ALMS1: variants seen among roughly 807,000 people sequenced by gnomAD.
ALMS1 encodes the protein centrosome-associated protein ALMS1.
ALMS1 carries 271 observed loss-of-function variants against 352.2 expected under a neutral mutation model. The ratio of observed to expected loss-of-function variants is 0.77; its 90% CI spans 0.70 to 0.85. The LOEUF (loss-of-function observed/expected upper bound fraction) is 0.85, where lower values mean the gene tolerates loss of function less well. Among genes scored for constraint, ALMS1 ranks in the 40% least tolerant of loss-of-function variants. The pLI is 0.00. For synonymous variants in ALMS1, 1,865 were observed against 1,761.2 expected (o/e 1.06, Z -1.48); for missense variants, 5,445 against 4,870.7 (o/e 1.12, Z -3.51).
Position 73,419,335 on chromosome 2 carries a change from T to G in ALMS1, c.646+17T>G. 1 of 1,608,700 alleles carries G rather than the reference T, an allele frequency of 6.2e-7. No homozygotes were observed. Among genetic ancestry groups the G allele is most frequent in the Non-Finnish European group, 8.5e-7 (1 of 1,175,056 alleles). The stretch of plus-strand genomic sequence containing the variant: ...CACTGCTAGGTAATGCCTGTTTATT[T>G]TAACTAGTAGTAATACCTCACATTT... On this transcript the variant is annotated intron_variant, in intron 3 of 22. Coordinates refer to ENST00000613296, the MANE Select transcript of ALMS1 (RefSeq NM_001378454.1).
At position 73,422,926 on chromosome 2, in the gene ALMS1, C is replaced by T. The variant is rs370830919; in HGVS notation, c.716C>T (p.Ala239Val). ...TGTTTGACACAAGACCAAGAATTTG[C>T]GCCTGATTCTTTATTTCATCAAAGT... is the stretch of plus-strand genomic sequence containing the variant. ...LTCLTQDQEF[A>V]PDSLFHQSEL... The change falls in exon 4 of 23, where the codon GCG (alanine) becomes GTG (valine). Residue 239 changes from alanine (A) to valine (V), a missense_variant. Transcript: ENST00000613296. 3.4e-5 allele frequency: 55 copies of T among 1,613,494 alleles called. No individual in the cohort carries two copies. Among genetic ancestry groups the T allele is most frequent in the African/African-American group, 5.3e-5 (4 of 74,874 alleles).
At chr2:73,495,964 TATC>T (rs1207046139) in intron 10 of ALMS1, among the ~76,000 whole-genome samples, 1 of 152,212 alleles carries the variant, frequency 6.6e-6, no homozygotes, top group South Asian at 2.1e-4. Flanking sequence ...GTTTCGAAGT[TATC>T]ATTAAAATAT....
chr2:73,444,283 G>A (rs1239096969), intron 7 of ALMS1, among the ~76,000 whole-genome samples: 1 of 152,062 alleles, frequency 6.6e-6, no homozygotes, highest in Non-Finnish European at 1.5e-5. Context: ...TTTGAGTAGG[G>A]GTGCACCTAT....
At chr2:73,603,160 G>A in intron 20 of ALMS1, 81 bp from the exon 21 acceptor site, 5 of 1,367,746 alleles carry the variant, frequency 3.7e-6, no homozygotes, top group South Asian at 3.5e-5. Context: ...CCAAGTCCTA[G>A]CAGCTCCCTC....
intron 1 of ALMS1, among the ~76,000 whole-genome samples, chr2:73,391,932 C>G (rs996333631): frequency 3.3e-5 from 5 of 152,012 alleles, no homozygotes; most frequent in African/African-American, 9.7e-5. Flanking sequence ...ATATGTTCTC[C>G]TTTCTTGGGT....
At chr2:73,575,591 T>A (rs1055072627) in intron 16 of ALMS1, among the ~76,000 whole-genome samples, 2 of 152,252 alleles carry the variant, frequency 1.3e-5, no homozygotes, top group Non-Finnish European at 2.9e-5. Flanking sequence ...CACATCTTTT[T>A]ATGTGCTTAT....
intron 9 of ALMS1, chr2:73,456,846 T>C (rs181271168): frequency 6.6e-6 from 1 of 152,344 alleles, no homozygotes; most frequent in Admixed American, 6.5e-5. Context: ...TAAAATTACA[T>C]AGTTTTCTCA....
chr2:73,505,914 T>C (rs1264002947), intron 10 of ALMS1, among the ~76,000 whole-genome samples: 1 of 152,240 alleles, frequency 6.6e-6, no homozygotes, highest in African/African-American at 2.4e-5. Context: ...GTAGGGTTTT[T>C]ATGGTTTTAG....
At chr2:73,589,302 T>G (rs951796182) in intron 16 of ALMS1, among the ~76,000 whole-genome samples, 6 of 152,160 alleles carry the variant, frequency 3.9e-5, no homozygotes, top group African/African-American at 1.4e-4. Flanking sequence ...ATTTTGAGCT[T>G]CCCAAACTAG....
At chr2:73,603,693 C>G (rs1178106278) in intron 21 of ALMS1, 10 of 267,466 alleles carry the variant, frequency 3.7e-5, no homozygotes, top group East Asian at 3.0e-4. Flanking sequence ...AACTCCATCT[C>G]TACTCAAAAT....
intron 12 of ALMS1, among the ~76,000 whole-genome samples, chr2:73,542,048 T>G (rs988803345): frequency 3.3e-5 from 5 of 152,170 alleles, no homozygotes; most frequent in Admixed American, 1.3e-4. Context: ...TACCAAAGCC[T>G]GGCAGAGACA....
At chr2:73,424,408 A>G in intron 4 of ALMS1, 22 bp from the exon 5 acceptor site, 1 of 1,412,954 alleles carries the variant, frequency 7.1e-7, no homozygotes, top group Non-Finnish European at 9.6e-7. Flanking sequence ...TTATTTATTT[A>G]TTTTTAACTA....
rs1343407616 is a variant in ALMS1 at position 73,449,004 on chromosome 2, T to G, written c.2477T>G (p.Leu826Arg). 1.2e-6 allele frequency: 2 copies of G among 1,613,424 alleles called. No homozygotes were observed. Among genetic ancestry groups the G allele is most frequent in the Non-Finnish European group, 1.7e-6 (2 of 1,179,854 alleles). Reference sequence around the variant, plus strand: ...CTTGTTTTCTACCAACAGGCCTTGCTGGACAGCCATCTACCCGAAGAGGCT... The same window carrying G: ...CTTGTTTTCTACCAACAGGCCTTGCGGGACAGCCATCTACCCGAAGAGGCT... ...KLLVFYQQAL[L>R]DSHLPEEALK... Residue 826 changes from leucine (L) to arginine (R), a missense_variant, in exon 8 of 23, where the codon CTG (leucine) becomes CGG (arginine). Physicochemically the swap from Leu to Arg is moderately radical, Grantham distance 102. Transcript: ENST00000613296.
In ALMS1 at chr2:73,558,844, A is replaced by G. The variant is rs1573019274; in HGVS notation, c.10214-128A>G. 15 of 1,034,354 alleles carry G rather than the reference A, an allele frequency of 1.5e-5. No individual in the cohort carries two copies. The East Asian group carries it at 3.4e-4, about 23-fold the overall frequency. The allele number at this position is 1,034,354 out of a possible 1,614,324, so 64.1% of individuals were successfully genotyped here. ...CAATTTTCAATTATTTTCTAAACGC[A>G]TTTCTGAGTCATCTTTTTTCTTCAA... On this transcript the variant is annotated intron_variant, in intron 14 of 22. Transcript: ENST00000613296.
intron 16 of ALMS1, 122 bp downstream of exon 16, chr2:73,573,546 C>A: frequency 1.0e-6 from 1 of 999,460 alleles, no homozygotes; most frequent in Non-Finnish European, 1.6e-6. Flanking sequence ...CCATTTCTTA[C>A]CAACTGGAAA....
Position 73,491,305 on chromosome 2 carries a change from T to A in ALMS1, c.9346T>A (p.Phe3116Ile). 3 of 1,614,204 alleles carry A rather than the reference T, an allele frequency of 1.9e-6. No individual in the cohort carries two copies. Among genetic ancestry groups the A allele is most frequent in the Non-Finnish European group, 2.5e-6 (3 of 1,180,034 alleles). Residue 3116 changes from phenylalanine (F) to isoleucine (I), a missense_variant, in exon 10 of 23, where the codon TTT becomes ATT. Phe to Ile is a conservative substitution (Grantham distance 21, BLOSUM62 0). Coordinates refer to ENST00000613296, the MANE Select transcript of ALMS1 (RefSeq NM_001378454.1). ...PVAQDQESLG[F>I]LGPKSSLDFQ... The stretch of plus-strand genomic sequence containing the variant: ...AGCACAGGATCAAGAATCTTTAGGT[T>A]TTCTAGGACCTAAATCTTCACTGGA...
intron 1 of ALMS1, among the ~76,000 whole-genome samples, chr2:73,391,567 A>G (rs1415929450): frequency 6.6e-6 from 1 of 152,174 alleles, no homozygotes; most frequent in Non-Finnish European, 1.5e-5. Context: ...TGCTGGGATT[A>G]CAGGCTTGAG....
chr2:73,553,381 G>C (rs1291883357), intron 13 of ALMS1, among the ~76,000 whole-genome samples: 1 of 152,212 alleles, frequency 6.6e-6, no homozygotes, highest in African/African-American at 2.4e-5. Flanking sequence ...TTCTCACTGT[G>C]GCGGTGGTAC....
rs1242023655 is a variant in ALMS1 at position 73,448,758 on chromosome 2, C to G, written c.2231C>G (p.Ser744Ter). Reference protein sequence around the residue: ...HQTEETLTKVSATPGPADQKT... With the variant: ...HQTEETLTKV ...ACTGAAGAGACTCTTACTAAAGTTT[C>G]AGCCACTCCTGGACCAGCTGACCAG... is the stretch of plus-strand genomic sequence containing the variant. Residue 744 changes from serine (S) to a stop codon, truncating the protein, a stop_gained, in exon 8 of 23, where the codon TCA becomes TGA. Transcript: ENST00000613296. LOFTEE classifies it high-confidence loss of function. 8.7e-6 allele frequency: 14 copies of G among 1,613,898 alleles called. No individual in the cohort carries two copies. Among genetic ancestry groups the G allele is most frequent in the Non-Finnish European group, 1.2e-5 (14 of 1,179,904 alleles).
Sources: gnomAD v4.1 joint callset for allele counts (sites outside exome capture counted in the v4.1 genomes callset) on GRCh38, gnomAD v4.1.1 for gene constraint, MANE v1.5 for transcripts, NCBI Gene and HGNC (gene_info 2026-07-23, HGNC 2026-07-21) for gene names.